CFAP20DC: variants seen among roughly 807,000 people sequenced by gnomAD.
The protein encoded by CFAP20DC is CFAP20 domain containing.
CFAP20DC carries 84 observed loss-of-function variants against 101.7 expected under a neutral mutation model. That is an observed-to-expected ratio of 0.83 (90% CI 0.69 to 0.99). The LOEUF is 0.99. Ranked by LOEUF, CFAP20DC falls within the 50% of genes least tolerant of loss-of-function variation. The pLI is 0.00. For missense variants in CFAP20DC, 1,007 were observed against 970.3 expected (o/e 1.04, Z -0.50); for synonymous variants, 359 against 351.2 (o/e 1.02, Z -0.25).
chr3:58,946,677 G>C lies in CFAP20DC; in HGVS notation c.279-8915C>G, dbSNP rs181388351. ...AAATGTGCAGGACAGAAACCAGGGG[G>C]TTAGCACCCGAGACTCCAGGAGAGA... On this transcript the variant is annotated intron_variant, in intron 4 of 16. Coordinates refer to ENST00000482387, the MANE Select transcript of CFAP20DC (RefSeq NM_001394063.1). Among the ~76,000 whole-genome samples the C allele has an allele frequency of 6.2e-4, 95 of 152,292 alleles. No homozygotes were observed. In the Middle Eastern group the frequency reaches 0.014, roughly 22 times the overall value.
At chr3:58,931,224 T>C (rs1465450217) in intron 5 of CFAP20DC, among the ~76,000 whole-genome samples, 1 of 151,182 alleles carries the variant, frequency 6.6e-6, no homozygotes, top group Admixed American at 6.6e-5. Context: ...GGGGGAGGGG[T>C]GCGCGCCATT....
intron 3 of CFAP20DC, among the ~76,000 whole-genome samples, chr3:58,730,481 T>A (rs1243065251): frequency 6.6e-6 from 1 of 152,130 alleles, no homozygotes; most frequent in South Asian, 2.1e-4. Flanking sequence ...TCCCAGGTGA[T>A]AAAGGCCGGG....
At chr3:58,781,967 A>G (rs12632511) in intron 15 of CFAP20DC, among the ~76,000 whole-genome samples, 8,607 of 152,134 alleles carry the variant, frequency 0.057, 530 homozygotes, top group East Asian at 0.35. Flanking sequence ...CAATGACACA[A>G]CAAAGATAAG....
rs2074058069 is a variant in CFAP20DC, at chr3:58,806,374, T to A, written c.2237+21A>T. The A allele has an allele frequency of 4.7e-6, 7 of 1,494,092 alleles. No individual in the cohort carries two copies. In the Middle Eastern group the frequency reaches 5.2e-4, roughly 110 times the overall value. The allele number at this position is 1,494,092 out of a possible 1,614,324, so 92.6% of individuals were successfully genotyped here. On this transcript the variant is annotated intron_variant, in intron 15 of 16. Coordinates refer to ENST00000482387, the MANE Select transcript of CFAP20DC (RefSeq NM_001394063.1). Reference sequence around the variant, plus strand: ...ACTAAGTTTTTTTTTTTCTTAAATGTAGATTATTAATGATTCTTACCGGGG... The same window carrying A: ...ACTAAGTTTTTTTTTTTCTTAAATGAAGATTATTAATGATTCTTACCGGGG...
chr3:59,009,860 T>C (rs2093540715), intron 4 of CFAP20DC, among the ~76,000 whole-genome samples: 1 of 152,062 alleles, frequency 6.6e-6, no homozygotes, highest in Non-Finnish European at 1.5e-5. Flanking sequence ...ACCTATAAAG[T>C]TTCTAGCAGA....
In CFAP20DC at chr3:58,892,271, C is replaced by A. The variant is rs1010057465; in HGVS notation, c.551-7562G>T. On this transcript the variant is annotated intron_variant, in intron 6 of 16. Coordinates refer to ENST00000482387, the MANE Select transcript of CFAP20DC (RefSeq NM_001394063.1). This position sits in a 1 kb window ranked among gnomAD's most constrained non-coding sequence, Gnocchi z 4.0. ...TACATTGAAGTTGGATAGCATGATG[C>A]CTCCAGCTTTGTTCTTTTTGCTTAA... Among the ~76,000 whole-genome samples, 1 of 152,166 alleles carries A rather than the reference C, an allele frequency of 6.6e-6. No individual in the cohort carries two copies. Among genetic ancestry groups the A allele is most frequent in the Non-Finnish European group, 1.5e-5 (1 of 68,028 alleles).
At chr3:58,789,974 AG>A (rs1437574218) in intron 15 of CFAP20DC, among the ~76,000 whole-genome samples, 2 of 152,220 alleles carry the variant, frequency 1.3e-5, no homozygotes, top group Non-Finnish European at 2.9e-5. Flanking sequence ...TTAAAATATT[AG>A]AAAAAGCAAA....
intron 15 of CFAP20DC, among the ~76,000 whole-genome samples, chr3:58,774,961 G>A (rs1005727708): frequency 6.6e-6 from 1 of 152,098 alleles, no homozygotes; most frequent in Admixed American, 6.5e-5. Flanking sequence ...TTTAGTAAAA[G>A]CACAAATAAA....
chr3:58,825,561 T>C (rs1236490293), intron 14 of CFAP20DC, among the ~76,000 whole-genome samples: 2 of 103,612 alleles, frequency 1.9e-5, no homozygotes, highest in Non-Finnish European at 4.0e-5. Context: ...ACACACAACA[T>C]GGCTTTATGC....
chr3:58,730,955 G>C (rs185019965), intron 3 of CFAP20DC, among the ~76,000 whole-genome samples: 2 of 152,284 alleles, frequency 1.3e-5, no homozygotes, highest in Admixed American at 1.3e-4. Flanking sequence ...CTGTGGTCAA[G>C]AGGTCCAGCT....
Position 58,732,943 on chromosome 3 carries a change from A to T in CFAP20DC, c.198-15315T>A, listed in dbSNP as rs1244450084. On this transcript the variant is annotated intron_variant, in intron 3 of 3. Transcript: ENST00000486145. This position sits in a 1 kb window ranked among gnomAD's most constrained non-coding sequence, Gnocchi z 5.4. ...AATAAATGCAAAGCTGAAGAGGATT[A>T]TTTCTATAATTTCTTAACATAATCT... Among the ~76,000 whole-genome samples the T allele has an allele frequency of 6.6e-6, 1 of 152,246 alleles. No individual in the cohort carries two copies. The highest frequency in any genetic ancestry group is 2.4e-5 in the African/African-American group (1 of 41,468).
At chr3:58,878,248 C>T (rs1038562646) in intron 7 of CFAP20DC, among the ~76,000 whole-genome samples, 12 of 152,130 alleles carry the variant, frequency 7.9e-5, no homozygotes, top group African/African-American at 2.9e-4. Context: ...AGAACGTAGC[C>T]TTACCTCATT....
At chr3:58,827,504 G>T (rs1371698585) in intron 14 of CFAP20DC, among the ~76,000 whole-genome samples, 4 of 152,056 alleles carry the variant, frequency 2.6e-5, no homozygotes, top group Non-Finnish European at 5.9e-5. Flanking sequence ...CTAAGAGGAG[G>T]TTATCTTGCT....
Position 58,870,305 on chromosome 3 carries a change from C to T in CFAP20DC, c.720G>A (p.Gln240=), listed in dbSNP as rs755048372. Residue 240 remains glutamine, a synonymous_variant, in exon 8 of 17, where the codon CAG becomes CAA. Coordinates refer to ENST00000482387, the MANE Select transcript of CFAP20DC (RefSeq NM_001394063.1). ...GHPLRSAESD[Q]FINRGTSITR... ...TAATACTTGTTCCTCTGTTAATGAA[C>T]TGATCTGTTTTGTTAAAGGAAGGTA... The T allele has an allele frequency of 6.2e-7, 1 of 1,613,566 alleles. No homozygotes were observed. Among genetic ancestry groups the T allele is most frequent in the Admixed American group, 1.7e-5 (1 of 60,018 alleles).
intron 4 of CFAP20DC, among the ~76,000 whole-genome samples, chr3:59,039,335 T>G (rs1310547698): frequency 6.6e-6 from 1 of 152,106 alleles, no homozygotes; most frequent in Admixed American, 6.6e-5. Flanking sequence ...TGATATTTTC[T>G]TAAACAGATG....
At chr3:58,839,128 C>T (rs1182732615) in intron 13 of CFAP20DC, among the ~76,000 whole-genome samples, 5 of 152,172 alleles carry the variant, frequency 3.3e-5, no homozygotes, top group Admixed American at 1.3e-4. Flanking sequence ...AGAGTAATGA[C>T]AGATATACCA....
chr3:58,867,188 C>T (rs1004996061), intron 10 of CFAP20DC, among the ~76,000 whole-genome samples: 1 of 152,134 alleles, frequency 6.6e-6, no homozygotes, highest in African/African-American at 2.4e-5. Flanking sequence ...ACCCAGGAAT[C>T]TTACATTTTT....
At chr3:58,898,258 A>G (rs1430535594) in intron 6 of CFAP20DC, among the ~76,000 whole-genome samples, 1 of 150,846 alleles carries the variant, frequency 6.6e-6, no homozygotes, top group Admixed American at 6.6e-5. Flanking sequence ...CATGGCAACC[A>G]CTGCCTCCCA....
Position 58,840,259 on chromosome 3 carries a change from G to T in CFAP20DC, c.1972-8370C>A, listed in dbSNP as rs185236265. On this transcript the variant is annotated intron_variant, in intron 13 of 16. Transcript: ENST00000482387. ...AGTTTTGACAAAACATCAAATATCA[G>T]ACTGTTTTCCAAAAGCTATTGGTAG... Among the ~76,000 whole-genome samples the T allele has an allele frequency of 2.0e-5, 3 of 152,148 alleles. No individual in the cohort carries two copies. The East Asian group carries it at 5.8e-4, about 29-fold the overall frequency.
Sources: gnomAD v4.1 joint callset for allele counts (sites outside exome capture counted in the v4.1 genomes callset) on GRCh38, gnomAD v4.1.1 for gene constraint, Gnocchi (gnomAD v3.1) non-coding constraint, MANE v1.5 for transcripts, NCBI Gene and HGNC (gene_info 2026-07-23, HGNC 2026-07-21) for gene names.